The following RIPPLY2 variants were observed in gnomAD, a reference collection of about 807,000 sequenced individuals.
RIPPLY2 encodes the protein ripply transcriptional repressor 2, also known as protein ripply2.
RIPPLY2 carries 20 observed loss-of-function variants against 17.7 expected under a neutral mutation model. The observed-to-expected ratio is 1.13, with a 90% CI of 0.79 to 1.64. The LOEUF (loss-of-function observed/expected upper bound fraction) is 1.64, where lower values mean the gene tolerates loss of function less well. RIPPLY2 is among the 40% of genes most tolerant of loss of function. The pLI, the probability that RIPPLY2 is intolerant of heterozygous loss-of-function variation, is 0.00. For missense variants in RIPPLY2, 213 were observed against 169.8 expected, an observed-to-expected ratio of 1.25 and a Z score of -1.41; for synonymous variants, 69 against 63.9, an observed-to-expected ratio of 1.08 and a Z score of -0.38.
intron 1 of RIPPLY2, 25 bp from the exon 2 acceptor site, chr6:83,853,670 C>T (rs1234928501): frequency 3.7e-6 from 6 of 1,607,418 alleles, no homozygotes; most frequent in Non-Finnish European, 5.1e-6. Context: ...CTCCTCTGCG[C>T]GCCTTGTGCT....
intron 2 of RIPPLY2, 21 bp downstream of exon 2, chr6:83,853,794 A>G: frequency 2.5e-6 from 4 of 1,600,274 alleles, no homozygotes; most frequent in Non-Finnish European, 3.4e-6. Flanking sequence ...CACGCGTCTC[A>G]GGCCGCGCCT....
chr6:83,853,407 C>T lies in RIPPLY2; in HGVS notation c.-10C>T. ...GCTGGCAGCGGCCTTCCGCCCAGCTCTGCGGCGTCATGGAGAACGCGGGAG... is the reference window on the plus strand; with the variant it reads ...GCTGGCAGCGGCCTTCCGCCCAGCTTTGCGGCGTCATGGAGAACGCGGGAG... On this transcript the variant is annotated 5_prime_UTR_variant, in exon 1 of 4. Transcript: ENST00000369689. 1 of 1,542,026 alleles carries T rather than the reference C, an allele frequency of 6.5e-7. No individual in the cohort carries two copies. The highest frequency in any genetic ancestry group is 8.7e-7 in the Non-Finnish European group (1 of 1,145,952).
chr6:83,854,225 C>A, intron 3 of RIPPLY2, 64 bp downstream of exon 3: 1 of 1,322,606 alleles, frequency 7.6e-7, no homozygotes, highest in Non-Finnish European at 1.1e-6. Flanking sequence ...CCAGGGGCAT[C>A]GCGCAGCCCA....
At position 83,853,701 on chromosome 6, in the gene RIPPLY2, A is replaced by T. The variant is rs762190187; in HGVS notation, c.102A>T (p.Ala34=). ...TRRAGADSGY[A]GFWRPWVDAG... ...GTGCTCCCCTATCCCGCAGATACGC[A>T]GGCTTCTGGAGACCCTGGGTGGACG... The change falls in exon 2 of 4, where the codon GCA becomes GCT. Residue 34 remains alanine, a synonymous_variant. Transcript: ENST00000369689. 1 of 1,613,612 alleles carries T rather than the reference A, an allele frequency of 6.2e-7. No homozygotes were observed. Among genetic ancestry groups the T allele is most frequent in the East Asian group, 2.2e-5 (1 of 44,864 alleles).
chr6:83,853,949 G>C, intron 2 of RIPPLY2, 148 bp from the exon 3 acceptor site: 1 of 1,003,194 alleles, frequency 1.0e-6, no homozygotes, highest in Non-Finnish European at 1.5e-6. Context: ...CCTCTGGAGC[G>C]ATGGGCCACA....
At position 83,857,228 on chromosome 6, in the gene RIPPLY2, T is replaced by C; in HGVS notation, c.240-14T>C. 1 of 1,463,064 alleles carries C rather than the reference T, an allele frequency of 6.8e-7. No individual in the cohort carries two copies. Among genetic ancestry groups the C allele is most frequent in the Non-Finnish European group, 9.1e-7 (1 of 1,103,400 alleles). 90.6% of individuals were successfully genotyped at this position (1,463,064 alleles called of 1,614,324 possible). On this transcript the variant is annotated splice_polypyrimidine_tract_variant and intron_variant, in intron 3 of 3. Coordinates refer to ENST00000369689, the MANE Select transcript of RIPPLY2 (RefSeq NM_001009994.3). Reference sequence around the variant, plus strand: ...GAATGTGAAAAAATAAAACATGTTGTCTGCTTCTTTCAGACTATTTTGGCC... The same window carrying C: ...GAATGTGAAAAAATAAAACATGTTGCCTGCTTCTTTCAGACTATTTTGGCC...
At position 83,854,180 on chromosome 6, in the gene RIPPLY2, C is replaced by T. The variant is rs200814657; in HGVS notation, c.239+19C>T. 273 of 1,608,082 alleles carry T rather than the reference C, an allele frequency of 1.7e-4. No homozygotes were observed. In the African/African-American group the frequency reaches 3.1e-3, roughly 18 times the overall value. On this transcript the variant is annotated intron_variant, in intron 3 of 3. Transcript: ENST00000369689. The stretch of plus-strand genomic sequence containing the variant: ...CAGTCAGGTGAGTGACAGGCCTCGC[C>T]GAAGGTCTCCCGCTCCTCCAGCCCC...
upstream of RIPPLY2, chr6:83,853,302 C>T (rs989047363): frequency 5.2e-6 from 4 of 774,926 alleles, no homozygotes; most frequent in Admixed American, 1.2e-4. Context: ...GGCAGCGAAC[C>T]TCTCAATGTG....
chr6:83,853,749 G>A lies in RIPPLY2; in HGVS notation c.150G>A (p.Glu50=), dbSNP rs118127415. The stretch of plus-strand genomic sequence containing the variant: ...ACGCCGGAGGCAAGAAAGAAGAGGA[G>A]ACGCCGAACCACGCCGCGGAGGCGG... ...WVDAGGKKEE[E]TPNHAAEAMP... Residue 50 remains glutamate, a synonymous_variant, in exon 2 of 4, where the codon GAG becomes GAA. Transcript: ENST00000369689. The A allele has an allele frequency of 1.5e-4, 236 of 1,613,512 alleles. 1 individual carries two copies. In the East Asian group the frequency reaches 5.0e-3, roughly 34 times the overall value.
At chr6:83,853,950 A>T in intron 2 of RIPPLY2, 147 bp from the exon 3 acceptor site, 1 of 1,007,508 alleles carries the variant, frequency 9.9e-7, no homozygotes, top group Non-Finnish European at 1.5e-6. Flanking sequence ...CTCTGGAGCG[A>T]TGGGCCACAG....
chr6:83,855,159 G>T (rs2099454800), intron 3 of RIPPLY2: 1 of 152,260 alleles, frequency 6.6e-6, no homozygotes, highest in African/African-American at 2.4e-5. Context: ...AGGAGTTTAG[G>T]TGTGTGAAGT....
chr6:83,854,912 T>C (rs1002119759), intron 3 of RIPPLY2: 4 of 152,312 alleles, frequency 2.6e-5, no homozygotes, highest in African/African-American at 9.6e-5. Flanking sequence ...TCACAGCACA[T>C]GGCAAGTGTT....
intron 2 of RIPPLY2, 31 bp from the exon 3 acceptor site, chr6:83,854,066 G>A (rs1191625939): frequency 1.3e-6 from 2 of 1,598,112 alleles, no homozygotes; most frequent in Non-Finnish European, 1.7e-6. Context: ...GGAGGTGGGT[G>A]ATAACTGGAT....
intron 2 of RIPPLY2, 78 bp downstream of exon 2, chr6:83,853,851 G>A: frequency 2.3e-6 from 3 of 1,325,752 alleles, no homozygotes; most frequent in Non-Finnish European, 3.2e-6. Flanking sequence ...CGCAGGGCCT[G>A]AGAGAGACAT....
At chr6:83,857,093 A>G (rs547471838) in intron 3 of RIPPLY2, 149 bp from the exon 4 acceptor site, 266 of 438,924 alleles carry the variant, frequency 6.1e-4, no homozygotes, top group Non-Finnish European at 9.7e-4. Flanking sequence ...GAAGGCTGTG[A>G]TAGTAGCATA....
In RIPPLY2 at chr6:83,854,135, G is replaced by A. The variant is rs2099454630; in HGVS notation, c.213G>A (p.Lys71=). The A allele has an allele frequency of 1.2e-6, 2 of 1,614,160 alleles. No individual in the cohort carries two copies. Among genetic ancestry groups the A allele is most frequent in the South Asian group, 1.1e-5 (1 of 91,080 alleles). The change falls in exon 3 of 4, where the codon AAG becomes AAA. Residue 71 remains lysine, a synonymous_variant. Coordinates refer to ENST00000369689, the MANE Select transcript of RIPPLY2 (RefSeq NM_001009994.3). ...CTGGAATGACCGCAGCCTCAGGAAA[G>A]CTTTACCAATTCAGGCACCCAGTCA... The part of the protein sequence containing the change: ...DGPGMTAASG[K]LYQFRHPVRL...
In RIPPLY2 at chr6:83,857,256, A is replaced by C; in HGVS notation, c.254A>C (p.Lys85Thr). The C allele has an allele frequency of 6.6e-7, 1 of 1,508,364 alleles. No individual in the cohort carries two copies. Among genetic ancestry groups the C allele is most frequent in the Non-Finnish European group, 8.9e-7 (1 of 1,129,768 alleles). The allele number at this position is 1,508,364 out of a possible 1,614,324, so 93.4% of individuals were successfully genotyped here. A position where few individuals can be genotyped will look rare whatever the true frequency, so the allele number is the denominator to read the frequency against. The stretch of plus-strand genomic sequence containing the variant: ...GCTTCTTTCAGACTATTTTGGCCAA[A>C]ATCAAAATGTTATGATTACTTATAT... ...FRHPVRLFWP[K>T]SKCYDYLYQE... Residue 85 changes from lysine (K) to threonine (T), a missense_variant, in exon 4 of 4, where the codon AAA becomes ACA. Transcript: ENST00000369689.
At position 83,853,464 on chromosome 6, in the gene RIPPLY2, G is replaced by A. The variant is rs920591823; in HGVS notation, c.48G>A (p.Ala16=). The A allele has an allele frequency of 7.1e-6, 11 of 1,541,904 alleles. No homozygotes were observed. Among genetic ancestry groups the A allele is most frequent in the Admixed American group, 5.9e-5 (3 of 50,570 alleles). ...AGGGTACAGAGAGTGGAGCTGCGGC[G>A]TGCGCGGCCACCGACGGCCCTACGC... ...GAEGTESGAA[A]CAATDGPTRR... The change falls in exon 1 of 4, where the codon GCG becomes GCA. Residue 16 remains alanine (A), a synonymous_variant. Transcript: ENST00000369689.
chr6:83,853,600 C>T (rs1018149327), intron 1 of RIPPLY2, 89 bp downstream of exon 1: 1 of 1,543,854 alleles, frequency 6.5e-7, no homozygotes. Context: ...AACTCTCCAT[C>T]CCCCACTGCC....
Sources: allele counts gnomAD v4.1 joint callset, GRCh38; gene constraint gnomAD v4.1.1; transcripts MANE v1.5; gene names NCBI Gene and HGNC (gene_info 2026-07-23, HGNC 2026-07-21).